Variants in ADGRF5 observed in about 807,000 individuals in gnomAD.
The protein encoded by ADGRF5 is G-protein coupled receptor 116.
A neutral mutation model predicts 132.3 loss-of-function variants in ADGRF5; 75 were observed. That is an observed-to-expected ratio of 0.57 (90% CI 0.47 to 0.69). The LOEUF (loss-of-function observed/expected upper bound fraction) is 0.69, where lower values mean the gene tolerates loss of function less well. ADGRF5 is among the 30% of genes least tolerant of loss of function. ADGRF5 has a pLI of 0.00. For synonymous variants in ADGRF5, 629 were observed against 597.6 expected, an observed-to-expected ratio of 1.05 and a Z score of -0.77; for missense variants, 1,516 against 1,630.6, an observed-to-expected ratio of 0.93 and a Z score of 1.21.
chr6:46,882,008 C>T (rs1772531272), intron 7 of ADGRF5, 41 bp downstream of exon 7: 2 of 1,403,560 alleles, frequency 1.4e-6, no homozygotes, highest in Non-Finnish European at 2.0e-6. Context: ...CATATGGATC[C>T]CAGCCATAAA....
chr6:46,899,664 T>G (rs867350685), intron 3 of ADGRF5, among the ~76,000 whole-genome samples: 100 of 122,038 alleles, frequency 8.2e-4, no homozygotes, highest in African/African-American at 1.7e-3. Context: ...AAGTTTTTTT[T>G]TTTGTTTGTT....
intron 1 of ADGRF5, among the ~76,000 whole-genome samples, chr6:46,927,096 C>A (rs79750672): frequency 0.016 from 2,499 of 152,202 alleles, 80 homozygotes; most frequent in South Asian, 0.13. Flanking sequence ...TCATTCTATG[C>A]TATTTTCAGT....
At chr6:46,916,374 A>G (rs959465018) in intron 1 of ADGRF5, among the ~76,000 whole-genome samples, 4 of 152,078 alleles carry the variant, frequency 2.6e-5, no homozygotes, top group African/African-American at 9.7e-5. Context: ...AGATGTGCCA[A>G]CTGCTGGCTT....
At chr6:46,940,839 A>C (rs1350358621) in intron 1 of ADGRF5, among the ~76,000 whole-genome samples, 1 of 152,252 alleles carries the variant, frequency 6.6e-6, no homozygotes, top group African/African-American at 2.4e-5. Flanking sequence ...TACAGAAATA[A>C]CTAAAAGTTA....
chr6:46,921,643 T>A (rs1776959348), intron 1 of ADGRF5, 70 bp downstream of exon 1: 1 of 152,208 alleles, frequency 6.6e-6, no homozygotes, highest in Non-Finnish European at 1.5e-5. Context: ...AGAAGTGACT[T>A]AGGAGCCCCT....
chr6:46,931,085 T>C (rs913853295), intron 1 of ADGRF5, among the ~76,000 whole-genome samples: 8 of 152,182 alleles, frequency 5.3e-5, no homozygotes, highest in Middle Eastern at 3.4e-3. Flanking sequence ...TCTTCCTACA[T>C]AAAAACTTCT....
intron 3 of ADGRF5, among the ~76,000 whole-genome samples, chr6:46,899,819 AGGAG>A (rs1452011267): frequency 2.6e-5 from 4 of 151,950 alleles, no homozygotes; most frequent in Non-Finnish European, 4.4e-5. Flanking sequence ...TGGGGAGGGA[AGGAG>A]GGTTCTTACG....
At chr6:46,898,432 T>C (rs986838164) in intron 3 of ADGRF5, among the ~76,000 whole-genome samples, 6 of 152,136 alleles carry the variant, frequency 3.9e-5, no homozygotes, top group African/African-American at 1.4e-4. Flanking sequence ...GTAGAGGTAA[T>C]GATACCTGTT....
chr6:46,862,821 C>T, intron 15 of ADGRF5, 67 bp downstream of exon 15: 1 of 952,498 alleles, frequency 1.0e-6, no homozygotes, highest in Non-Finnish European at 1.6e-6. Flanking sequence ...TTCCTAAGTG[C>T]TGAGAAATAT....
chr6:46,946,833 T>C (rs1259330513), intron 1 of ADGRF5, among the ~76,000 whole-genome samples: 9 of 152,178 alleles, frequency 5.9e-5, no homozygotes. Flanking sequence ...TGTACATGTG[T>C]ATGTGCATGG....
chr6:46,922,553 G>T (rs1777029973), upstream of ADGRF5, among the ~76,000 whole-genome samples: 1 of 152,204 alleles, frequency 6.6e-6, no homozygotes. Context: ...CTGCATCCAG[G>T]TTGCTGGGTT....
intron 10 of ADGRF5, among the ~76,000 whole-genome samples, chr6:46,877,796 G>T (rs1771982630): frequency 6.6e-6 from 1 of 152,214 alleles, no homozygotes; most frequent in African/African-American, 2.4e-5. Context: ...CCAGACACCA[G>T]GAGAAGAGAC....
intron 3 of ADGRF5, among the ~76,000 whole-genome samples, chr6:46,893,004 T>A (rs1243915330): frequency 1.3e-5 from 2 of 150,856 alleles, no homozygotes; most frequent in Non-Finnish European, 3.0e-5. Flanking sequence ...AGGCAAAAGA[T>A]AAGTTTACAT....
At chr6:46,936,509 G>A (rs575137039) in intron 1 of ADGRF5, among the ~76,000 whole-genome samples, 2 of 152,302 alleles carry the variant, frequency 1.3e-5, no homozygotes, top group Admixed American at 1.3e-4. Flanking sequence ...ACACACGCTA[G>A]GAAACTGCTT....
At chr6:46,885,502 A>T (rs1772981253) in intron 4 of ADGRF5, among the ~76,000 whole-genome samples, 1 of 152,220 alleles carries the variant, frequency 6.6e-6, no homozygotes, top group Non-Finnish European at 1.5e-5. Context: ...CTCGCAGAGA[A>T]AAACAAGAGG....
rs1187949601 is a variant in ADGRF5 at position 46,866,979 on chromosome 6, C to T, written c.1780G>A (p.Glu594Lys). The T allele has an allele frequency of 6.2e-7, 1 of 1,613,874 alleles. No homozygotes were observed. The highest frequency in any genetic ancestry group is 1.7e-5 in the Admixed American group (1 of 60,026). The change falls in exon 13 of 21, where the codon GAG (glutamate) becomes AAG (lysine). Residue 594 changes from glutamate to lysine, a missense_variant. Around this residue, in one of 2 missense-constraint regions of ADGRF5, gnomAD observed 945 missense variants for 929.4 expected, o/e 1.02. Coordinates refer to ENST00000283296, the MANE Select transcript of ADGRF5 (RefSeq NM_001098518.2). ...GSHHIKCCIE[E>K]DGDYKVTFHT... ...AAAGTAACTTTGTAGTCTCCATCCT[C>T]CTCTATGCAGCACTTGATGTGATGG... is the stretch of plus-strand genomic sequence containing the variant.
chr6:46,877,329 CTTTCTTTCTTTCTTTCTTTCTTTCTTTCT>C (rs1562175589), intron 10 of ADGRF5, among the ~76,000 whole-genome samples: 606 of 41,782 alleles, frequency 0.015, 16 homozygotes, highest in South Asian at 0.075. Flanking sequence ...TTCCTTCTTT[CTTTCTTTCTTTCTTTCTTTCTTTCTTTCT>C]TTCTTTCTTT....
At chr6:46,857,589 A>G (rs1221976215) in intron 17 of ADGRF5, among the ~76,000 whole-genome samples, 2 of 152,184 alleles carry the variant, frequency 1.3e-5, no homozygotes, top group Non-Finnish European at 2.9e-5. Context: ...AGCGAAGAAG[A>G]TGTTTTTTCA....
At chr6:46,854,521 T>C (rs1221601168) in intron 20 of ADGRF5, among the ~76,000 whole-genome samples, 5 of 151,944 alleles carry the variant, frequency 3.3e-5, no homozygotes, top group South Asian at 2.1e-4. Flanking sequence ...GAGAAAATTA[T>C]AGGGGGAGAA....
Sources: allele counts gnomAD v4.1 joint callset (sites outside exome capture counted in the v4.1 genomes callset), GRCh38; gene constraint gnomAD v4.1.1; regional missense constraint gnomAD v4.1.1; transcripts MANE v1.5; gene names NCBI Gene and HGNC (gene_info 2026-07-23, HGNC 2026-07-21).